The following ISM1 variants were observed in gnomAD, a reference collection of about 807,000 sequenced individuals.
ISM1 encodes isthmin 1, also known as isthmin-1.
ISM1 carries 25 observed loss-of-function variants against 46.3 expected under a neutral mutation model. The observed-to-expected ratio is 0.54, with a 90% CI of 0.39 to 0.75. ISM1 has a LOEUF of 0.75. ISM1 is among the 30% of genes least tolerant of loss of function. ISM1 has a pLI of 0.00. For missense variants in ISM1, 536 were observed against 625.4 expected (o/e 0.86, Z 1.52); for synonymous variants, 255 against 256.7 (o/e 0.99, Z 0.06).
At chr20:13,225,694 A>T (rs1157928933) in intron 1 of ISM1, among the ~76,000 whole-genome samples, 1 of 152,216 alleles carries the variant, frequency 6.6e-6, no homozygotes, top group Non-Finnish European at 1.5e-5. Flanking sequence ...CAGTATTTTT[A>T]AAATATCTAG....
downstream of ISM1, among the ~76,000 whole-genome samples, chr20:13,304,273 G>A (rs1197410133): frequency 2.0e-5 from 3 of 152,162 alleles, no homozygotes; most frequent in Non-Finnish European, 4.4e-5. Context: ...TGAGCACCCA[G>A]TCAGTCTCTG....
rs764099280 is a variant in ISM1, at chr20:13,268,279, CTCTT to C, written c.139-2216_139-2213del. On this transcript the variant is annotated intron_variant, in intron 1 of 5. Transcript: ENST00000262487. ...CCTCTTCTCTTCTCTCTCGCTCCTT[CTCTT>C]TCTTTCTTCTCTTCCTTCTCTTCTC... Among the ~76,000 whole-genome samples the C allele has an allele frequency of 7.6e-4, 115 of 151,554 alleles. 1 individual carries two copies. Among genetic ancestry groups the C allele is most frequent in the African/African-American group, 2.4e-3 (99 of 41,194 alleles).
chr20:13,274,193 T>A (rs989583785), intron 2 of ISM1, among the ~76,000 whole-genome samples: 1 of 152,108 alleles, frequency 6.6e-6, no homozygotes, highest in Non-Finnish European at 1.5e-5. Flanking sequence ...CTTTAAAACA[T>A]GAGGTGCTTT....
At chr20:13,273,047 G>A (rs1269011792) in intron 2 of ISM1, among the ~76,000 whole-genome samples, 1 of 152,158 alleles carries the variant, frequency 6.6e-6, no homozygotes, top group African/African-American at 2.4e-5. Flanking sequence ...ATGCCTGGAT[G>A]CGGGAGAACG....
chr20:13,266,396 C>T (rs2040043607), intron 1 of ISM1, among the ~76,000 whole-genome samples: 1 of 152,124 alleles, frequency 6.6e-6, no homozygotes, highest in Non-Finnish European at 1.5e-5. Context: ...TCACCTGCCT[C>T]AGCAATGGAA....
At chr20:13,236,875 G>A (rs2039656173) in intron 1 of ISM1, among the ~76,000 whole-genome samples, 1 of 152,228 alleles carries the variant, frequency 6.6e-6, no homozygotes, top group Admixed American at 6.5e-5. Context: ...CTGCCCCCGG[G>A]GCTTTGCAGG....
Position 13,264,546 on chromosome 20 carries a change from C to A in ISM1, c.139-5958C>A, listed in dbSNP as rs553622192. On this transcript the variant is annotated intron_variant, in intron 1 of 5. Coordinates refer to ENST00000262487, the MANE Select transcript of ISM1 (RefSeq NM_080826.2). The stretch of plus-strand genomic sequence containing the variant: ...CCCTGTGGCTTGGTTGTCCAAAAAA[C>A]CTCACTCCCTCTCTTTTGTATTCAT... Among the ~76,000 whole-genome samples the A allele has an allele frequency of 1.0e-3, 157 of 152,340 alleles. 1 individual carries two copies. In the South Asian group the frequency reaches 0.032, roughly 31 times the overall value.
chr20:13,296,588 T>C (rs963821904), intron 5 of ISM1, among the ~76,000 whole-genome samples: 17 of 152,178 alleles, frequency 1.1e-4, no homozygotes, highest in African/African-American at 4.1e-4. Flanking sequence ...AGATAGTAGA[T>C]TGGAGAATGC....
chr20:13,263,386 C>G (rs1437919806), intron 1 of ISM1, among the ~76,000 whole-genome samples: 1 of 152,070 alleles, frequency 6.6e-6, no homozygotes, highest in Non-Finnish European at 1.5e-5. Context: ...ATCCATCTTC[C>G]TGAGCACTAA....
the ISM1 span, among the ~76,000 whole-genome samples, chr20:13,319,578 T>A: frequency 1.3e-5 from 2 of 152,214 alleles, no homozygotes; most frequent in African/African-American, 4.8e-5. Context: ...TGGCAGCTCG[T>A]AGAAGTATAT....
intron 2 of ISM1, among the ~76,000 whole-genome samples, chr20:13,278,804 C>T (rs576128744): frequency 3.7e-4 from 57 of 152,298 alleles, no homozygotes; most frequent in South Asian, 4.1e-4. Context: ...GGAAGATCCA[C>T]GATGGCCCTA....
At chr20:13,319,343 G>T in the ISM1 span, among the ~76,000 whole-genome samples, 13 of 152,224 alleles carry the variant, frequency 8.5e-5, no homozygotes, top group East Asian at 2.5e-3. Context: ...TGGCAGCCCG[G>T]GTATTTCTAC....
the ISM1 span, among the ~76,000 whole-genome samples, chr20:13,318,353 G>A: frequency 1.3e-5 from 2 of 152,104 alleles, no homozygotes; most frequent in Non-Finnish European, 2.9e-5. Flanking sequence ...TGGAGCAACA[G>A]GAATTCTTAT....
At chr20:13,291,111 T>C (rs918002347) in intron 4 of ISM1, among the ~76,000 whole-genome samples, 3 of 152,232 alleles carry the variant, frequency 2.0e-5, no homozygotes, top group Non-Finnish European at 4.4e-5. Context: ...AAGTGCCTTG[T>C]CAGGGGAAGG....
chr20:13,279,822 C>T lies in ISM1; in HGVS notation c.567C>T (p.Phe189=), dbSNP rs1264173872. The part of the protein sequence containing the change: ...KYDSTSDDSN[F]LNPPRGWDHT... ...ACAGTACCTCAGACGACAGCAACTTCCTCAACCCCCCCAGGGGGTGGGACC... is the reference window on the plus strand; with the variant it reads ...ACAGTACCTCAGACGACAGCAACTTTCTCAACCCCCCCAGGGGGTGGGACC... Residue 189 remains phenylalanine, a synonymous_variant, in exon 3 of 6, where the codon TTC becomes TTT. Transcript: ENST00000262487. 1 of 1,614,036 alleles carries T rather than the reference C, an allele frequency of 6.2e-7. No homozygotes were observed.
chr20:13,273,727 GGCTCCA>G (rs1568681442), intron 2 of ISM1, among the ~76,000 whole-genome samples: 2 of 152,124 alleles, frequency 1.3e-5, no homozygotes, highest in Admixed American at 1.3e-4. Flanking sequence ...AAATTAATGC[GGCTCCA>G]GCCTAGCTAC....
intron 2 of ISM1, among the ~76,000 whole-genome samples, chr20:13,271,677 C>T (rs2040117342): frequency 6.6e-6 from 1 of 152,206 alleles, no homozygotes; most frequent in African/African-American, 2.4e-5. Flanking sequence ...GTTGTTTGTA[C>T]CTTTCTCTGT....
chr20:13,266,157 G>A (rs550089073), intron 1 of ISM1, among the ~76,000 whole-genome samples: 47 of 152,284 alleles, frequency 3.1e-4, no homozygotes, highest in African/African-American at 1.0e-3. Context: ...GCTGGGAAAT[G>A]TAGTTTTTGC....
At chr20:13,281,516 T>C (rs528505770) in intron 3 of ISM1, among the ~76,000 whole-genome samples, 18 of 152,324 alleles carry the variant, frequency 1.2e-4, no homozygotes, top group Middle Eastern at 6.8e-3. Context: ...TACTGCACTT[T>C]ACAGATGGGA....
Sources: gnomAD v4.1 joint callset for allele counts (sites outside exome capture counted in the v4.1 genomes callset) on GRCh38, gnomAD v4.1.1 for gene constraint, MANE v1.5 for transcripts, NCBI Gene and HGNC (gene_info 2026-07-23, HGNC 2026-07-21) for gene names.